SMYD1: variants seen among roughly 807,000 people sequenced by gnomAD.
SMYD1 encodes histone-lysine N-methyltransferase SMYD1.
In SMYD1, 49 loss-of-function variants were observed where a neutral mutation model predicts 54.0. The ratio of observed to expected loss-of-function variants is 0.91; its 90% CI spans 0.72 to 1.15. SMYD1 has a LOEUF of 1.15. Ranked by LOEUF, SMYD1 falls within the 50% of genes most tolerant of loss-of-function variation. The pLI, the probability that SMYD1 is intolerant of heterozygous loss-of-function variation, is 0.00. For missense variants in SMYD1, 653 were observed against 639.6 expected (o/e 1.02, Z -0.23); for synonymous variants, 269 against 234.2 (o/e 1.15, Z -1.36).
intron 2 of SMYD1, among the ~76,000 whole-genome samples, chr2:88,087,326 A>C (rs1410092752): frequency 6.6e-6 from 1 of 152,112 alleles, no homozygotes; most frequent in African/African-American, 2.4e-5. Context: ...TGAGAGACCC[A>C]GGCTGCCGCA....
rs1573099159 is a variant in SMYD1, at chr2:88,071,467, T to C, written c.137+3466T>C. Among the ~76,000 whole-genome samples the C allele has an allele frequency of 3.9e-5, 6 of 152,268 alleles. 2 individuals carry two copies. The highest frequency in any genetic ancestry group is 3.9e-4 in the Admixed American group (6 of 15,294). On this transcript the variant is annotated intron_variant, in intron 1 of 9. Transcript: ENST00000419482. ...ATGGTCGGAAAAGCAGGTACTCTTC[T>C]TGAAGGTAAGAGAGCAAGAATAAAG...
Position 88,070,498 on chromosome 2 carries a change from T to G in SMYD1, c.137+2497T>G, listed in dbSNP as rs1673921806. 3.3e-5 allele frequency among the ~76,000 whole-genome samples: 5 copies of G among 152,074 alleles called. 1 individual carries two copies. In the South Asian group the frequency reaches 1.0e-3, roughly 32 times the overall value. ...ATATTATATGTTATATTGTATATAT[T>G]CTAACATATATTATATAAAGCATAG... is the stretch of plus-strand genomic sequence containing the variant. On this transcript the variant is annotated intron_variant, in intron 1 of 9. Transcript: ENST00000419482.
Position 88,113,255 on chromosome 2 carries a change from A to G in SMYD1, c.*2743A>G, listed in dbSNP as rs181358348. On this transcript the variant is annotated 3_prime_UTR_variant, in exon 10 of 10. Transcript: ENST00000419482. ...GTGCTCAGTAAATGTGTGTTGAATA[A>G]ATGAATGAATGAATGAACAAATGAA... is the stretch of plus-strand genomic sequence containing the variant. 2 of 152,068 alleles carry G rather than the reference A, an allele frequency of 1.3e-5. No individual in the cohort carries two copies. The highest frequency in any genetic ancestry group is 2.4e-5 in the African/African-American group (1 of 41,408). The allele number at this position is 152,068 out of a possible 1,614,324, so 9.4% of individuals were successfully genotyped here.
intron 8 of SMYD1, among the ~76,000 whole-genome samples, chr2:88,107,881 T>G (rs1320149079): frequency 2.0e-5 from 3 of 152,212 alleles, no homozygotes; most frequent in Non-Finnish European, 4.4e-5. Context: ...CCCTGACCCC[T>G]TGCACTTCCC....
intron 1 of SMYD1, among the ~76,000 whole-genome samples, chr2:88,079,083 C>T (rs1298418884): frequency 6.6e-6 from 1 of 152,188 alleles, no homozygotes; most frequent in Non-Finnish European, 1.5e-5. Context: ...GAAAAGTATT[C>T]GAAGTTTATT....
chr2:88,112,378 C>A lies in SMYD1; in HGVS notation c.*1866C>A. On this transcript the variant is annotated 3_prime_UTR_variant, in exon 10 of 10. Transcript: ENST00000419482. ...TGTGTCTGTGCTCCTCCTTCCCTCT[C>A]AGACCACTGGAATGCAAGTCCTTCT... 1 of 550,044 alleles carries A rather than the reference C, an allele frequency of 1.8e-6. No individual in the cohort carries two copies. Among genetic ancestry groups the A allele is most frequent in the East Asian group, 3.0e-5 (1 of 33,688 alleles). The allele number at this position is 550,044 out of a possible 1,614,324, so 34.1% of individuals were successfully genotyped here. A position where few individuals can be genotyped will look rare whatever the true frequency, so the allele number is the denominator to read the frequency against.
rs1281720941 is a variant in SMYD1 at position 88,112,107 on chromosome 2, A to G, written c.*1595A>G. 2 of 703,272 alleles carry G rather than the reference A, an allele frequency of 2.8e-6. No homozygotes were observed. The highest frequency in any genetic ancestry group is 5.2e-6 in the Non-Finnish European group (2 of 385,092). 43.6% of individuals were successfully genotyped at this position (703,272 alleles called of 1,614,324 possible). ...AAGAATTTCCTTTCTGGAAGGTTTT[A>G]CAAGAAGACTGATAGTCTTTCAAGC... is the stretch of plus-strand genomic sequence containing the variant. On this transcript the variant is annotated 3_prime_UTR_variant, in exon 10 of 10. Transcript: ENST00000419482.
At chr2:88,090,566 AT>A (rs552674059) in intron 3 of SMYD1, among the ~76,000 whole-genome samples, 4 of 151,656 alleles carry the variant, frequency 2.6e-5, no homozygotes, top group East Asian at 1.9e-4. Flanking sequence ...AGAGATGTCA[AT>A]TTTTTTTTAT....
chr2:88,092,869 A>G (rs1414394388), intron 4 of SMYD1, among the ~76,000 whole-genome samples: 2 of 152,250 alleles, frequency 1.3e-5, no homozygotes, highest in African/African-American at 4.8e-5. Flanking sequence ...TAACAACCAC[A>G]GGAATCTAGG....
intron 6 of SMYD1, among the ~76,000 whole-genome samples, chr2:88,100,551 T>C (rs1426684232): frequency 2.0e-5 from 3 of 152,188 alleles, no homozygotes; most frequent in Admixed American, 6.5e-5. Context: ...CGGCTATAAC[T>C]AGAAATGTAG....
chr2:88,076,233 G>C (rs185503801), intron 1 of SMYD1, among the ~76,000 whole-genome samples: 1 of 152,152 alleles, frequency 6.6e-6, no homozygotes, highest in Non-Finnish European at 1.5e-5. Context: ...TTTTGTTTTT[G>C]AGACAGAGTC....
At position 88,113,321 on chromosome 2, in the gene SMYD1, A is replaced by G. The variant is rs1198909383; in HGVS notation, c.*2809A>G. ...CAAGGCAAAAGAACCATGAAACTGT[A>G]TTTTGAGTTTCTATGTTATAGCAGT... On this transcript the variant is annotated 3_prime_UTR_variant, in exon 10 of 10. Transcript: ENST00000419482. 8 of 152,228 alleles carry G rather than the reference A, an allele frequency of 5.3e-5. No individual in the cohort carries two copies. Among genetic ancestry groups the G allele is most frequent in the Non-Finnish European group, 1.0e-4 (7 of 68,044 alleles). 9.4% of individuals were successfully genotyped at this position (152,228 alleles called of 1,614,324 possible).
chr2:88,100,525 C>T (rs1460979300), intron 6 of SMYD1, among the ~76,000 whole-genome samples: 1 of 152,126 alleles, frequency 6.6e-6, no homozygotes, highest in African/African-American at 2.4e-5. Flanking sequence ...TGAGTCATTA[C>T]TTGGGCAATA....
chr2:88,105,587 G>C (rs1181877988), intron 7 of SMYD1, among the ~76,000 whole-genome samples: 1 of 152,084 alleles, frequency 6.6e-6, no homozygotes, highest in Admixed American at 6.6e-5. Context: ...TAGCTGTTAT[G>C]CTGTATTGAT....
At chr2:88,082,217 T>C (rs2970925) in intron 1 of SMYD1, among the ~76,000 whole-genome samples, 124,079 of 152,208 alleles carry the variant, frequency 0.82, 50,929 homozygotes, top group East Asian at 1. Context: ...TTCTACTCCT[T>C]GCTCACTAGG....
chr2:88,104,663 C>T (rs1326161038), intron 7 of SMYD1, among the ~76,000 whole-genome samples: 1 of 152,248 alleles, frequency 6.6e-6, no homozygotes, highest in Non-Finnish European at 1.5e-5. Flanking sequence ...GTGGCCCCCA[C>T]CACCTCGGGT....
At position 88,093,567 on chromosome 2, in the gene SMYD1, C is replaced by A. The variant is rs1674510203; in HGVS notation, c.698+12C>A. 1 of 1,614,136 alleles carries A rather than the reference C, an allele frequency of 6.2e-7. No individual in the cohort carries two copies. The highest frequency in any genetic ancestry group is 8.5e-7 in the Non-Finnish European group (1 of 1,180,004). Reference sequence around the variant, plus strand: ...CATACCCAGATGAGGTGGGTCAGTCCTTTCAAGCATCCCTGCTCCTCTGAC... The same window carrying A: ...CATACCCAGATGAGGTGGGTCAGTCATTTCAAGCATCCCTGCTCCTCTGAC... On this transcript the variant is annotated intron_variant, in intron 5 of 9. Transcript: ENST00000419482.
chr2:88,107,609 CG>C (rs1006377191), intron 8 of SMYD1, among the ~76,000 whole-genome samples: 1 of 152,194 alleles, frequency 6.6e-6, no homozygotes, highest in Admixed American at 6.5e-5. Flanking sequence ...AGCTTCCCAG[CG>C]GCTTTGTTTA....
chr2:88,099,070 C>A (rs897026027), intron 6 of SMYD1, among the ~76,000 whole-genome samples: 1 of 151,974 alleles, frequency 6.6e-6, no homozygotes, highest in Non-Finnish European at 1.5e-5. Context: ...TATAATCATT[C>A]TTTTTTAAAT....
Sources: allele counts gnomAD v4.1 joint callset (sites outside exome capture counted in the v4.1 genomes callset), GRCh38; gene constraint gnomAD v4.1.1; transcripts MANE v1.5; gene names NCBI Gene and HGNC (gene_info 2026-07-23, HGNC 2026-07-21).